TBL1XR1: variants seen among roughly 807,000 people sequenced by gnomAD.
TBL1XR1 encodes F-box-like/WD repeat-containing protein TBL1XR1.
A neutral mutation model predicts 66.9 loss-of-function variants in TBL1XR1; 5 were observed. The ratio of observed to expected loss-of-function variants is 0.07; its 90% CI spans 0.04 to 0.16. The LOEUF (loss-of-function observed/expected upper bound fraction) is 0.16. TBL1XR1 is among the 10% of genes least tolerant of loss of function. TBL1XR1 has a pLI of 1.00. For missense variants in TBL1XR1, 238 were observed against 623.2 expected (o/e 0.38, Z 6.58); for synonymous variants, 210 against 206.0 (o/e 1.02, Z -0.17).
intron 10 of TBL1XR1, among the ~76,000 whole-genome samples, chr3:177,043,150 T>C (rs1173304001): frequency 6.6e-6 from 1 of 152,174 alleles, no homozygotes; most frequent in Non-Finnish European, 1.5e-5. Context: ...ATTCCATTGT[T>C]GCTATAAATG....
chr3:177,195,000 T>C (rs752540747), intron 1 of TBL1XR1, among the ~76,000 whole-genome samples: 4 of 152,332 alleles, frequency 2.6e-5, no homozygotes, highest in African/African-American at 9.6e-5. Flanking sequence ...ACAATTTTTA[T>C]GCCATTAACA....
In TBL1XR1 at chr3:177,022,768, C is replaced by T. The variant is rs1246005813; in HGVS notation, c.*2730G>A. On this transcript the variant is annotated 3_prime_UTR_variant, in exon 16 of 16. Coordinates refer to ENST00000457928, the MANE Select transcript of TBL1XR1 (RefSeq NM_024665.7). ...GGTCTCTTGCAATCATGTTACTGCT[C>T]AAATTAGAGACAATCTTATTGCTGT... The T allele has an allele frequency of 6.6e-6, 1 of 152,414 alleles. No individual in the cohort carries two copies. The highest frequency in any genetic ancestry group is 1.5e-5 in the Non-Finnish European group (1 of 67,940). The allele number at this position is 152,414 out of a possible 1,614,324, so 9.4% of individuals were successfully genotyped here.
chr3:177,047,822 T>G (rs1017236119), intron 7 of TBL1XR1: 2 of 386,602 alleles, frequency 5.2e-6, no homozygotes, highest in African/African-American at 4.0e-5. Context: ...ACCTCATGCA[T>G]GCCAAAAGTA....
chr3:177,027,890 A>G (rs1713381866), intron 14 of TBL1XR1: 1 of 152,208 alleles, frequency 6.6e-6, no homozygotes, highest in South Asian at 2.1e-4. Context: ...GAGGAGAGAA[A>G]AAAGTAGAAC....
intron 2 of TBL1XR1, among the ~76,000 whole-genome samples, chr3:177,078,155 T>C (rs1035044257): frequency 6.6e-6 from 1 of 152,246 alleles, no homozygotes; most frequent in African/African-American, 2.4e-5. Flanking sequence ...CATGATCTGG[T>C]TTCTCTTCAG....
In TBL1XR1 at chr3:177,026,414, C is replaced by T; in HGVS notation, c.1477G>A (p.Ala493Thr). ...TGGIFEVCWNAAGDKVGASAS... is the reference protein window; with the variant it reads ...TGGIFEVCWNTAGDKVGASAS... ...CTGGCTCCAACTTTGTCTCCTGCTG[C>T]ATTCCAGCAAACTTCAAATATTCCA... Residue 493 changes from alanine to threonine, a missense_variant, in exon 15 of 16, where the codon GCA (alanine) becomes ACA (threonine). Coordinates refer to ENST00000457928, the MANE Select transcript of TBL1XR1 (RefSeq NM_024665.7). 1 of 1,613,042 alleles carries T rather than the reference C, an allele frequency of 6.2e-7. No homozygotes were observed. The highest frequency in any genetic ancestry group is 8.5e-7 in the Non-Finnish European group (1 of 1,179,566).
At chr3:177,036,029 C>T (rs1338652508) in intron 12 of TBL1XR1, among the ~76,000 whole-genome samples, 2 of 152,156 alleles carry the variant, frequency 1.3e-5, no homozygotes, top group African/African-American at 4.8e-5. Flanking sequence ...TATGAGTAAA[C>T]AAGCTAGCTA....
chr3:177,201,076 TGTTATCAGAA>T (rs1021743753), upstream of TBL1XR1, among the ~76,000 whole-genome samples: 8 of 151,990 alleles, frequency 5.3e-5, no homozygotes, highest in Non-Finnish European at 1.0e-4. Context: ...TACCAGTAAC[TGTTATCAGAA>T]GTTACTATAT....
At chr3:177,080,187 T>A (rs1196221315) in intron 2 of TBL1XR1, among the ~76,000 whole-genome samples, 2 of 152,224 alleles carry the variant, frequency 1.3e-5, no homozygotes, top group African/African-American at 2.4e-5. Flanking sequence ...AAAAAGCAAT[T>A]GCTTTCTAAC....
intron 7 of TBL1XR1, chr3:177,048,008 G>T (rs2129016): frequency 0.36 from 55,570 of 156,498 alleles, 10,125 homozygotes; most frequent in East Asian, 0.5. Flanking sequence ...GAAGTGTGTG[G>T]GTATGATCCA....
intron 3 of TBL1XR1, among the ~76,000 whole-genome samples, chr3:177,061,179 C>T (rs1342589593): frequency 1.3e-5 from 2 of 152,076 alleles, no homozygotes; most frequent in African/African-American, 4.8e-5. Flanking sequence ...CAGAGATGTC[C>T]ATCAAATATT....
intron 1 of TBL1XR1, among the ~76,000 whole-genome samples, chr3:177,175,344 GAT>G (rs2108944667): frequency 6.6e-6 from 1 of 152,314 alleles, no homozygotes; most frequent in African/African-American, 2.4e-5. Flanking sequence ...TGTGTTTGGT[GAT>G]ATTATTTTAA....
At chr3:177,046,690 G>A (rs888223312) in intron 9 of TBL1XR1, among the ~76,000 whole-genome samples, 1 of 152,056 alleles carries the variant, frequency 6.6e-6, no homozygotes, top group Non-Finnish European at 1.5e-5. Flanking sequence ...CTCCTTCCCA[G>A]CCTACTTCAC....
intron 1 of TBL1XR1, among the ~76,000 whole-genome samples, chr3:177,157,687 C>T (rs752743288): frequency 3.9e-5 from 6 of 152,206 alleles, no homozygotes; most frequent in Non-Finnish European, 7.4e-5. Context: ...CTCCCTACCA[C>T]AAAATGGAAT....
intron 1 of TBL1XR1, among the ~76,000 whole-genome samples, chr3:177,133,876 CAAAAA>C (rs541940840): frequency 1.3e-4 from 14 of 105,750 alleles, no homozygotes; most frequent in South Asian, 5.9e-4. Context: ...ACTCCTATCT[CAAAAA>C]AAAAAAAAAA....
intron 1 of TBL1XR1, among the ~76,000 whole-genome samples, chr3:177,171,158 T>C (rs1301311734): frequency 1.3e-5 from 2 of 150,954 alleles, no homozygotes; most frequent in East Asian, 2.0e-4. Flanking sequence ...CTGACCAATA[T>C]GGAGAAACCC....
intron 2 of TBL1XR1, among the ~76,000 whole-genome samples, chr3:177,073,150 C>T (rs938417416): frequency 9.9e-5 from 15 of 152,178 alleles, no homozygotes; most frequent in African/African-American, 3.6e-4. Flanking sequence ...CTATAACCCA[C>T]ATAAACAAAA....
At chr3:177,168,413 C>G (rs925982299) in intron 1 of TBL1XR1, among the ~76,000 whole-genome samples, 4 of 151,964 alleles carry the variant, frequency 2.6e-5, no homozygotes, top group African/African-American at 7.3e-5. Flanking sequence ...TTCTGAGTAG[C>G]TGGGATTACA....
intron 1 of TBL1XR1, among the ~76,000 whole-genome samples, chr3:177,144,183 T>A (rs1035042119): frequency 1.3e-5 from 2 of 151,418 alleles, no homozygotes; most frequent in East Asian, 3.9e-4. Flanking sequence ...GAGGCGGAGG[T>A]TGGAGTGAGC....
Sources: gnomAD v4.1 joint callset for allele counts (sites outside exome capture counted in the v4.1 genomes callset) on GRCh38, gnomAD v4.1.1 for gene constraint, MANE v1.5 for transcripts, NCBI Gene and HGNC (gene_info 2026-07-23, HGNC 2026-07-21) for gene names.